The following CADM2 variants were observed in gnomAD, a reference collection of about 807,000 sequenced individuals.
CADM2 encodes cell adhesion molecule 2.
A neutral mutation model predicts 49.8 loss-of-function variants in CADM2; 12 were observed. That is an observed-to-expected ratio of 0.24 (90% confidence interval 0.15 to 0.39). CADM2 has a LOEUF of 0.39. Among genes scored for constraint, CADM2 ranks in the 10% least tolerant of loss-of-function variants. The pLI is 1.00. For missense variants in CADM2, 378 were observed against 492.3 expected (o/e 0.77, Z 2.20); for synonymous variants, 214 against 175.4 (o/e 1.22, Z -1.74).
chr3:85,413,849 A>G (rs2107477293), intron 1 of CADM2, among the ~76,000 whole-genome samples: 1 of 152,158 alleles, frequency 6.6e-6, no homozygotes, highest in East Asian at 1.9e-4. Context: ...AGTGCTAGCT[A>G]GAAAACTGGC....
rs377493275 is a variant in CADM2 at position 85,946,005 on chromosome 3, G to A, written c.791+10148G>A. ...AGTCAAATTGTCCCTGTTTGCAGAC[G>A]ACATGATTGTATATCTAGAAAACCC... is the stretch of plus-strand genomic sequence containing the variant. On this transcript the variant is annotated intron_variant, in intron 7 of 9. Coordinates refer to ENST00000383699, the MANE Select transcript of CADM2 (RefSeq NM_001167675.2). Among the ~76,000 whole-genome samples the A allele has an allele frequency of 4.6e-5, 7 of 152,190 alleles. No individual in the cohort carries two copies. In the South Asian group the frequency reaches 1.5e-3, roughly 32 times the overall value.
intron 1 of CADM2, among the ~76,000 whole-genome samples, chr3:85,103,431 G>A (rs1383681303): frequency 6.6e-6 from 1 of 152,028 alleles, no homozygotes; most frequent in Non-Finnish European, 1.5e-5. Context: ...AGTTTCCTGT[G>A]TAATTTATCA....
At chr3:84,970,553 T>G (rs1355288398) in intron 1 of CADM2, among the ~76,000 whole-genome samples, 1 of 151,978 alleles carries the variant, frequency 6.6e-6, no homozygotes, top group African/African-American at 2.4e-5. Context: ...TCTTAGCATT[T>G]GAAAAGATAT....
intron 1 of CADM2, among the ~76,000 whole-genome samples, chr3:85,283,991 TGAA>T (rs1303069293): frequency 6.6e-5 from 10 of 152,258 alleles, no homozygotes; most frequent in Admixed American, 5.9e-4. Flanking sequence ...TCTATGAACA[TGAA>T]GAAGTGGATA....
chr3:85,637,372 G>A (rs997500117), intron 1 of CADM2, among the ~76,000 whole-genome samples: 8 of 151,406 alleles, frequency 5.3e-5, no homozygotes, highest in Admixed American at 2.6e-4. Flanking sequence ...GGAGGCCGAG[G>A]CGGGTGGATC....
At chr3:85,289,846 T>C (rs1037775161) in intron 1 of CADM2, among the ~76,000 whole-genome samples, 1 of 152,204 alleles carries the variant, frequency 6.6e-6, no homozygotes, top group South Asian at 2.1e-4. Flanking sequence ...GTTAGATAGT[T>C]ACTAAAATCA....
intron 1 of CADM2, among the ~76,000 whole-genome samples, chr3:85,093,372 G>C (rs1023698482): frequency 1.3e-5 from 2 of 151,746 alleles, no homozygotes; most frequent in African/African-American, 4.8e-5. Flanking sequence ...TTAGCTCGGC[G>C]TGGTGGTGCA....
chr3:85,932,547 T>C (rs984521271), intron 6 of CADM2, among the ~76,000 whole-genome samples: 6 of 152,082 alleles, frequency 3.9e-5, no homozygotes, highest in Non-Finnish European at 8.8e-5. Context: ...AAAGGCTACA[T>C]AGAAAAATAC....
intron 1 of CADM2, among the ~76,000 whole-genome samples, chr3:85,555,580 T>A (rs1016880433): frequency 5.3e-5 from 8 of 152,138 alleles, no homozygotes; most frequent in African/African-American, 1.7e-4. Flanking sequence ...TTTGATGTTA[T>A]TTTTATTTTT....
At chr3:85,683,326 A>G (rs2066093912) in intron 1 of CADM2, among the ~76,000 whole-genome samples, 1 of 152,138 alleles carries the variant, frequency 6.6e-6, no homozygotes, top group Non-Finnish European at 1.5e-5. Flanking sequence ...CTAACACGAT[A>G]TTGTTCTTTA....
chr3:85,199,803 A>C (rs748597924), intron 1 of CADM2, among the ~76,000 whole-genome samples: 1 of 152,058 alleles, frequency 6.6e-6, no homozygotes, highest in Non-Finnish European at 1.5e-5. Context: ...AATCTTAAAA[A>C]GTCCGAGTTA....
chr3:85,002,477 A>C (rs2033509982), intron 1 of CADM2, among the ~76,000 whole-genome samples: 1 of 152,168 alleles, frequency 6.6e-6, no homozygotes, highest in Non-Finnish European at 1.5e-5. Context: ...AAGCAAAAAT[A>C]CTGTAAAGGC....
At chr3:85,624,651 G>A (rs1227594418) in intron 1 of CADM2, among the ~76,000 whole-genome samples, 12 of 151,994 alleles carry the variant, frequency 7.9e-5, no homozygotes, top group Admixed American at 7.9e-4. Flanking sequence ...GGAACACATC[G>A]AAAATAGATC....
chr3:86,004,548 C>T (rs1489170959), intron 8 of CADM2, among the ~76,000 whole-genome samples: 2 of 152,158 alleles, frequency 1.3e-5, no homozygotes, highest in Admixed American at 6.5e-5. Flanking sequence ...AATATTACGC[C>T]TCATCAAGAA....
At chr3:85,613,588 A>C (rs2063730813) in intron 1 of CADM2, among the ~76,000 whole-genome samples, 1 of 151,634 alleles carries the variant, frequency 6.6e-6, no homozygotes, top group South Asian at 2.1e-4. Context: ...ACGAGGCAGA[A>C]TTTTGATTTT....
At chr3:84,999,644 C>T (rs1480424549) in intron 1 of CADM2, among the ~76,000 whole-genome samples, 1 of 152,138 alleles carries the variant, frequency 6.6e-6, no homozygotes, top group Non-Finnish European at 1.5e-5. Context: ...AGAGCATTGC[C>T]TTGTTTGACC....
At chr3:85,384,824 TTTA>T (rs778640526) in intron 1 of CADM2, among the ~76,000 whole-genome samples, 8 of 152,066 alleles carry the variant, frequency 5.3e-5, no homozygotes, top group Non-Finnish European at 1.0e-4. Flanking sequence ...ATTACTGGAA[TTTA>T]TTGACCTTTT....
intron 1 of CADM2, among the ~76,000 whole-genome samples, chr3:85,695,666 G>C (rs1230353201): frequency 6.6e-6 from 1 of 151,880 alleles, no homozygotes; most frequent in Non-Finnish European, 1.5e-5. Context: ...AAGTTGATGG[G>C]AACTTAGGCT....
chr3:85,462,315 G>A (rs943128062), intron 1 of CADM2, among the ~76,000 whole-genome samples: 13 of 152,158 alleles, frequency 8.5e-5, no homozygotes, highest in African/African-American at 2.4e-4. Flanking sequence ...GAATAGAACA[G>A]CTGTAGTGAT....
Sources: allele counts gnomAD v4.1 joint callset (sites outside exome capture counted in the v4.1 genomes callset), GRCh38; gene constraint gnomAD v4.1.1; transcripts MANE v1.5; gene names NCBI Gene and HGNC (gene_info 2026-07-23, HGNC 2026-07-21).